Variants in WDR70 observed in about 807,000 individuals in gnomAD.
WDR70 encodes the protein WD repeat-containing protein 70.
Under a neutral mutation model 88.6 loss-of-function variants are expected in WDR70, and 53 were observed. That is an observed-to-expected ratio of 0.60 (90% CI 0.48 to 0.75). The LOEUF (loss-of-function observed/expected upper bound fraction) is 0.75, where lower values mean the gene tolerates loss of function less well. Among genes scored for constraint, WDR70 ranks in the 30% least tolerant of loss-of-function variants. The pLI, the probability that WDR70 is intolerant of heterozygous loss-of-function variation, is 0.00. For synonymous variants in WDR70, 280 were observed against 270.0 expected (o/e 1.04, Z -0.36); for missense variants, 610 against 823.2 (o/e 0.74, Z 3.17).
At chr5:37,615,101 T>C (rs1465724321) in intron 10 of WDR70, among the ~76,000 whole-genome samples, 1 of 152,010 alleles carries the variant, frequency 6.6e-6, no homozygotes, top group Non-Finnish European at 1.5e-5. Context: ...TATTAAAATC[T>C]CCTGGAAAGT....
chr5:37,533,964 C>T (rs4869527), intron 9 of WDR70, among the ~76,000 whole-genome samples: 62,922 of 152,002 alleles, frequency 0.41, 15,130 homozygotes, highest in Non-Finnish European at 0.54. Context: ...AGCAGACTTA[C>T]AGTTTTTCGG....
At chr5:37,652,069 G>C (rs1416589174) in intron 10 of WDR70, among the ~76,000 whole-genome samples, 1 of 152,160 alleles carries the variant, frequency 6.6e-6, no homozygotes, top group Non-Finnish European at 1.5e-5. Context: ...AGTTTTTATG[G>C]TTTTAGGTCT....
At chr5:37,676,638 G>A (rs1407493476) in intron 10 of WDR70, among the ~76,000 whole-genome samples, 5 of 152,000 alleles carry the variant, frequency 3.3e-5, no homozygotes, top group Admixed American at 1.3e-4. Context: ...CGGTTTGCCA[G>A]TATTTTATTG....
At chr5:37,489,927 C>T (rs921599757) in intron 8 of WDR70, among the ~76,000 whole-genome samples, 4 of 152,058 alleles carry the variant, frequency 2.6e-5, no homozygotes, top group Admixed American at 6.6e-5. Context: ...GTATATCTCC[C>T]AATGCTATCC....
At chr5:37,668,241 T>C (rs1745921759) in intron 10 of WDR70, among the ~76,000 whole-genome samples, 1 of 152,212 alleles carries the variant, frequency 6.6e-6, no homozygotes, top group Non-Finnish European at 1.5e-5. Context: ...ATCATTTTTT[T>C]CCCAGTAAAA....
intron 9 of WDR70, among the ~76,000 whole-genome samples, chr5:37,590,550 A>G (rs1427377545): frequency 6.6e-6 from 1 of 152,164 alleles, no homozygotes; most frequent in Non-Finnish European, 1.5e-5. Context: ...ATTGTTAGGG[A>G]TCTTGAGATG....
chr5:37,450,156 A>C (rs545647388), intron 7 of WDR70, among the ~76,000 whole-genome samples: 14 of 152,280 alleles, frequency 9.2e-5, no homozygotes, highest in South Asian at 8.3e-4. Context: ...ATTGATGGGC[A>C]TTTGGGTTGG....
intron 9 of WDR70, among the ~76,000 whole-genome samples, chr5:37,570,196 G>A (rs1447725485): frequency 6.6e-6 from 1 of 152,094 alleles, no homozygotes; most frequent in African/African-American, 2.4e-5. Flanking sequence ...AAAATTGACA[G>A]GACATAGGGT....
At chr5:37,474,121 A>G (rs1300579606) in intron 7 of WDR70, among the ~76,000 whole-genome samples, 1 of 152,094 alleles carries the variant, frequency 6.6e-6, no homozygotes, top group Admixed American at 6.6e-5. Flanking sequence ...CTTTATTTTC[A>G]AACATTCAGT....
intron 7 of WDR70, among the ~76,000 whole-genome samples, chr5:37,453,636 C>A (rs1002058177): frequency 3.9e-5 from 6 of 152,182 alleles, no homozygotes; most frequent in African/African-American, 1.4e-4. Context: ...AGTTTTGGGG[C>A]CAGTTTATGG....
At chr5:37,525,713 A>G (rs966823229) in intron 9 of WDR70, among the ~76,000 whole-genome samples, 4 of 152,334 alleles carry the variant, frequency 2.6e-5, no homozygotes, top group South Asian at 2.1e-4. Flanking sequence ...GAAAAGATCA[A>G]TAAAATTGAT....
chr5:37,541,970 A>G (rs1444787108), intron 9 of WDR70, among the ~76,000 whole-genome samples: 1 of 152,214 alleles, frequency 6.6e-6, no homozygotes, highest in Non-Finnish European at 1.5e-5. Context: ...GGTTGCTAAC[A>G]TTACTGCTTG....
At chr5:37,514,356 A>ATATGTATGTATG (rs1554145421) in intron 8 of WDR70, among the ~76,000 whole-genome samples, 16 of 54,342 alleles carry the variant, frequency 2.9e-4, no homozygotes, top group African/African-American at 6.2e-4. Flanking sequence ...ATATATATAT[A>ATATGTATGTATG]TATGTATGTA....
chr5:37,467,325 A>G (rs1739186152), intron 7 of WDR70, among the ~76,000 whole-genome samples: 1 of 152,074 alleles, frequency 6.6e-6, no homozygotes, highest in South Asian at 2.1e-4. Flanking sequence ...ATGTTTCTTA[A>G]AGAGGGCCTG....
chr5:37,636,038 C>T (rs988109985), intron 10 of WDR70, among the ~76,000 whole-genome samples: 7 of 152,210 alleles, frequency 4.6e-5, no homozygotes, highest in Non-Finnish European at 1.5e-5. Flanking sequence ...CCCTGTGGAA[C>T]TGTAAGTCAA....
At chr5:37,557,957 A>ACTCTTTTGAACACTC in intron 9 of WDR70, among the ~76,000 whole-genome samples, 1 of 139,252 alleles carries the variant, frequency 7.2e-6, no homozygotes, top group African/African-American at 2.6e-5. Flanking sequence ...TCAAAAGAGT[A>ACTCTTTTGAACACTC]TTATGTATAT....
intron 6 of WDR70, among the ~76,000 whole-genome samples, chr5:37,441,931 A>G (rs1750666568): frequency 6.6e-6 from 1 of 151,920 alleles, no homozygotes. Flanking sequence ...AGATCTAGGG[A>G]CTCTCTGCTT....
intron 9 of WDR70, among the ~76,000 whole-genome samples, chr5:37,572,868 G>A (rs1742947540): frequency 1.3e-5 from 2 of 152,118 alleles, no homozygotes; most frequent in Non-Finnish European, 2.9e-5. Flanking sequence ...GCTAAAATCC[G>A]AAATGTTTAT....
intron 4 of WDR70, among the ~76,000 whole-genome samples, chr5:37,395,462 TAAG>T (rs997129843): frequency 6.6e-6 from 1 of 152,148 alleles, no homozygotes; most frequent in Non-Finnish European, 1.5e-5. Flanking sequence ...AGAAACAAAA[TAAG>T]AACCCATGAC....
Sources: allele counts gnomAD v4.1 joint callset (sites outside exome capture counted in the v4.1 genomes callset), GRCh38; gene constraint gnomAD v4.1.1; transcripts MANE v1.5; gene names NCBI Gene and HGNC (gene_info 2026-07-23, HGNC 2026-07-21).